The following MORN1 variants were observed in gnomAD, a reference collection of about 807,000 sequenced individuals.
MORN1 encodes the protein MORN repeat containing 1, also known as MORN repeat-containing protein 1.
In MORN1, 67 loss-of-function variants were observed where a neutral mutation model predicts 61.9. The ratio of observed to expected loss-of-function variants is 1.08; its 90% CI spans 0.89 to 1.33. The LOEUF is 1.33. Among genes scored for constraint, MORN1 ranks in the 40% most tolerant of loss-of-function variants. The probability of loss-of-function intolerance (pLI) is 0.00; values close to 1 mark genes in which losing one functional copy is unlikely to be tolerated. For synonymous variants in MORN1, 301 were observed against 292.0 expected (o/e 1.03, Z -0.31); for missense variants, 752 against 691.2 (o/e 1.09, Z -0.99).
At chr1:2,323,015 C>T in intron 13 of MORN1, 2 of 985,482 alleles carry the variant, frequency 2.0e-6, no homozygotes, top group Non-Finnish European at 2.4e-6. Flanking sequence ...TCTCCCTTCG[C>T]TCCTCACCCC....
intron 6 of MORN1, among the ~76,000 whole-genome samples, chr1:2,383,261 A>G (rs1187763901): frequency 6.6e-6 from 1 of 152,188 alleles, no homozygotes; most frequent in African/African-American, 2.4e-5. Context: ...TTTCTACTTT[A>G]ACTCCTATGG....
chr1:2,322,878 C>A, intron 13 of MORN1: 1 of 985,442 alleles, frequency 1.0e-6, no homozygotes, highest in Non-Finnish European at 1.2e-6. Context: ...GCGGCAAGGG[C>A]TCTGGCTGGT....
chr1:2,348,305 A>G (rs1641559080), intron 10 of MORN1, among the ~76,000 whole-genome samples: 1 of 152,172 alleles, frequency 6.6e-6, no homozygotes, highest in Admixed American at 6.5e-5. Context: ...CATGCCTTTC[A>G]TGGATGGCTC....
chr1:2,360,717 G>A (rs1019055051), intron 8 of MORN1, among the ~76,000 whole-genome samples: 5 of 152,144 alleles, frequency 3.3e-5, no homozygotes, highest in African/African-American at 1.2e-4. Context: ...CAGCACACCT[G>A]GGACAAAACT....
intron 12 of MORN1, among the ~76,000 whole-genome samples, chr1:2,335,714 C>A (rs560513879): frequency 2.1e-4 from 32 of 152,232 alleles, no homozygotes; most frequent in South Asian, 1.9e-3. Flanking sequence ...GGGAGCGGGG[C>A]GGGTGCTGGT....
chr1:2,390,461 A>G (rs768010894), intron 1 of MORN1: 1 of 985,356 alleles, frequency 1.0e-6, no homozygotes. Flanking sequence ...ATCCACACTC[A>G]TACCCAAGGA....
intron 12 of MORN1, among the ~76,000 whole-genome samples, chr1:2,327,119 C>T (rs1246772760): frequency 6.7e-6 from 1 of 148,868 alleles, no homozygotes; most frequent in African/African-American, 2.5e-5. Context: ...CACAGAAACA[C>T]AGAAACAAAC....
Position 2,372,413 on chromosome 1 carries a change from C to G in MORN1, c.745+68G>C, listed in dbSNP as rs891854065. ...ATGCAACATCTCGTCCGCATCTTCA[C>G]TGCTTAAGAACCTGCTGCCTGTTTC... On this transcript the variant is annotated intron_variant, in intron 8 of 13. Coordinates refer to ENST00000378531, the MANE Select transcript of MORN1 (RefSeq NM_024848.3). This position sits in a 1 kb window ranked among gnomAD's most constrained non-coding sequence, Gnocchi z 5.4. 1.3e-5 allele frequency: 17 copies of G among 1,269,280 alleles called. No individual in the cohort carries two copies. The highest frequency in any genetic ancestry group is 8.6e-5 in the Admixed American group (4 of 46,326). 78.6% of individuals were successfully genotyped at this position (1,269,280 alleles called of 1,614,324 possible).
chr1:2,379,116 C>A (rs1297004057), intron 6 of MORN1: 1 of 471,148 alleles, frequency 2.1e-6, no homozygotes, highest in Non-Finnish European at 4.4e-6. Context: ...CACCTGCTGT[C>A]GAGAGGGAGA....
intron 8 of MORN1, among the ~76,000 whole-genome samples, chr1:2,363,807 A>AAC (rs147314830): frequency 0.017 from 1,881 of 109,352 alleles, 23 homozygotes; most frequent in South Asian, 0.031. Flanking sequence ...CAAACAAACA[A>AAC]AAAAATATAT....
intron 12 of MORN1, 46 bp from the exon 13 acceptor site, chr1:2,324,189 CCGA>C (rs1398588935): frequency 3.2e-6 from 5 of 1,550,956 alleles, no homozygotes; most frequent in Non-Finnish European, 4.4e-6. Context: ...TGCCTGGGCC[CCGA>C]CGACATGGCA....
intron 10 of MORN1, chr1:2,352,027 C>T (rs1569972871): frequency 3.7e-6 from 2 of 546,894 alleles, no homozygotes; most frequent in East Asian, 4.5e-5. Flanking sequence ...AGAGGTCCAC[C>T]TCCCCTAGGA....
chr1:2,353,062 C>A (rs990550438), intron 10 of MORN1, among the ~76,000 whole-genome samples: 2 of 152,218 alleles, frequency 1.3e-5, no homozygotes, highest in African/African-American at 4.8e-5. Context: ...GGTCCCAGGA[C>A]GCACTGCAGG....
At position 2,372,570 on chromosome 1, in the gene MORN1, A is replaced by G; in HGVS notation, c.656T>C (p.Ile219Thr). ...HPAEQATRIV[I>T]LGPEVMEVAQ... is the part of the protein sequence containing the mutation. ...CACTTCCATCACCTCCGGACCCAAGATCACGATCCTCGTAGCTTGTTCTGG... is the reference window on the plus strand; with the variant it reads ...CACTTCCATCACCTCCGGACCCAAGGTCACGATCCTCGTAGCTTGTTCTGG... The change falls in exon 8 of 14, where the codon ATC becomes ACC. Residue 219 changes from isoleucine (I) to threonine (T), a missense_variant. Physicochemically the swap from Ile to Thr is moderately conservative, Grantham distance 89. Coordinates refer to ENST00000378531, the MANE Select transcript of MORN1 (RefSeq NM_024848.3). This position sits in a 1 kb window ranked among gnomAD's most constrained non-coding sequence, Gnocchi z 5.4. The G allele has an allele frequency of 1.2e-6, 2 of 1,613,472 alleles. No homozygotes were observed. The highest frequency in any genetic ancestry group is 1.7e-6 in the Non-Finnish European group (2 of 1,179,870).
chr1:2,325,971 T>C (rs1641018457), intron 12 of MORN1, among the ~76,000 whole-genome samples: 1 of 152,160 alleles, frequency 6.6e-6, no homozygotes, highest in African/African-American at 2.4e-5. Context: ...GGCTGGGCTG[T>C]GTCCGGAATT....
chr1:2,340,930 C>G (rs1287538735), intron 10 of MORN1, among the ~76,000 whole-genome samples: 1 of 152,248 alleles, frequency 6.6e-6, no homozygotes, highest in Non-Finnish European at 1.5e-5. Context: ...CCACACAAGC[C>G]AAAACATGGG....
At position 2,384,964 on chromosome 1, in the gene MORN1, G is replaced by A. The variant is rs759511215; in HGVS notation, c.537+14C>T. ...GTACCCTCTGGGCAGCAGGTGCCGCGCGCCCCCGGGTACCTTGTAGGTGGA... is the reference window on the plus strand; with the variant it reads ...GTACCCTCTGGGCAGCAGGTGCCGCACGCCCCCGGGTACCTTGTAGGTGGA... On this transcript the variant is annotated intron_variant, in intron 6 of 13. Coordinates refer to ENST00000378531, the MANE Select transcript of MORN1 (RefSeq NM_024848.3). 22 of 1,544,542 alleles carry A rather than the reference G, an allele frequency of 1.4e-5. 1 individual carries two copies. The Admixed American group carries it at 2.1e-4, about 15-fold the overall frequency.
At position 2,337,910 on chromosome 1, in the gene MORN1, G is replaced by T. The variant is rs1003566115; in HGVS notation, c.1037-1060C>A. On this transcript the variant is annotated intron_variant, in intron 10 of 13. Transcript: ENST00000378531. This position sits in a 1 kb window ranked among gnomAD's most constrained non-coding sequence, Gnocchi z 5.7. Reference sequence around the variant, plus strand: ...CCATCAAAAAAACAGAAGAGACCCAGCTCCAGGATGGATAGAAGGGTGGAG... The same window carrying T: ...CCATCAAAAAAACAGAAGAGACCCATCTCCAGGATGGATAGAAGGGTGGAG... Among the ~76,000 whole-genome samples, 1 of 152,212 alleles carries T rather than the reference G, an allele frequency of 6.6e-6. No individual in the cohort carries two copies. The highest frequency in any genetic ancestry group is 1.5e-5 in the Non-Finnish European group (1 of 68,032).
At position 2,372,738 on chromosome 1, in the gene MORN1, C is replaced by A; in HGVS notation, c.635-147G>T. On this transcript the variant is annotated intron_variant, in intron 7 of 13. Transcript: ENST00000378531. The surrounding 1 kb of genome is among the most constrained non-coding windows in gnomAD (Gnocchi z 5.4). ...AGCACATGCGGGGGCCGACCCTCCGCAAACCACCTTGCAGAGCAGCGACCT... is the reference window on the plus strand; with the variant it reads ...AGCACATGCGGGGGCCGACCCTCCGAAAACCACCTTGCAGAGCAGCGACCT... 5.0e-6 allele frequency: 3 copies of A among 605,336 alleles called. No homozygotes were observed. The South Asian group carries it at 5.9e-5, about 12-fold the overall frequency. 37.5% of individuals were successfully genotyped at this position (605,336 alleles called of 1,614,324 possible).
Sources: allele counts gnomAD v4.1 joint callset (sites outside exome capture counted in the v4.1 genomes callset), GRCh38; gene constraint gnomAD v4.1.1; non-coding constraint Gnocchi (gnomAD v3.1); transcripts MANE v1.5; gene names NCBI Gene and HGNC (gene_info 2026-07-23, HGNC 2026-07-21).